ZNF532: variants seen among roughly 807,000 people sequenced by gnomAD.
The protein encoded by ZNF532 is zinc finger protein 532.
Under a neutral mutation model 89.3 loss-of-function variants are expected in ZNF532, and 22 were observed. The ratio of observed to expected loss-of-function variants is 0.25; its 90% confidence interval spans 0.18 to 0.35. The LOEUF (loss-of-function observed/expected upper bound fraction) is 0.35. ZNF532 is among the 10% of genes least tolerant of loss of function. The pLI is 1.00. For synonymous variants in ZNF532, 606 were observed against 649.6 expected (o/e 0.93, Z 1.02); for missense variants, 1,132 against 1,643.4 (o/e 0.69, Z 5.38).
chr18:58,896,205 T>TTTG (rs948057599), intron 2 of ZNF532, among the ~76,000 whole-genome samples: 72 of 152,274 alleles, frequency 4.7e-4, no homozygotes, highest in African/African-American at 1.6e-3. Context: ...GTGTTTGTTT[T>TTTG]TTGTTGTTGT....
At chr18:58,972,473 A>G (rs1240806572) in intron 7 of ZNF532, among the ~76,000 whole-genome samples, 2 of 152,218 alleles carry the variant, frequency 1.3e-5, no homozygotes. Flanking sequence ...TGAAGGCCAC[A>G]GTTATTTGAG....
intron 2 of ZNF532, among the ~76,000 whole-genome samples, chr18:58,887,165 G>T (rs1487044846): frequency 1.3e-5 from 2 of 151,898 alleles, no homozygotes; most frequent in East Asian, 1.9e-4. Flanking sequence ...CCGCAACACA[G>T]TTGCGTAGGG....
intron 6 of ZNF532, among the ~76,000 whole-genome samples, chr18:58,951,819 T>A (rs1438005918): frequency 6.6e-6 from 1 of 151,956 alleles, no homozygotes; most frequent in Non-Finnish European, 1.5e-5. Context: ...ACGGCTAATT[T>A]TTTGTATTTT....
Position 58,919,938 on chromosome 18 carries a change from A to C in ZNF532, c.1651A>C (p.Ile551Leu). ...AGTGCTAACCAAACCTCAGCAACAA[A>C]TAAAGCAGGCAATAATCAATGCAGC... ...RQVLTKPQQQ[I>L]KQAIINAAAS... Residue 551 changes from isoleucine (I) to leucine (L), a missense_variant, in exon 3 of 10, where the codon ATA becomes CTA. Coordinates refer to ENST00000591808, the MANE Select transcript of ZNF532 (RefSeq NM_001375912.1). The surrounding 1 kb of genome is among the most constrained non-coding windows in gnomAD (Gnocchi z 6.1). The C allele has an allele frequency of 6.2e-7, 1 of 1,613,968 alleles. No individual in the cohort carries two copies. Among genetic ancestry groups the C allele is most frequent in the African/African-American group, 1.3e-5 (1 of 75,042 alleles).
chr18:58,940,321 G>A (rs1300026897), intron 5 of ZNF532: 1 of 152,132 alleles, frequency 6.6e-6, no homozygotes, highest in African/African-American at 2.4e-5. Context: ...TAAGATGAAG[G>A]CAACTTAAGA....
chr18:58,905,425 A>G (rs1307877156), intron 2 of ZNF532, among the ~76,000 whole-genome samples: 4 of 147,786 alleles, frequency 2.7e-5, no homozygotes, highest in Non-Finnish European at 5.9e-5. Flanking sequence ...TTTTAAGACA[A>G]GGTCTGGCTC....
intron 5 of ZNF532, among the ~76,000 whole-genome samples, chr18:58,946,237 C>CT (rs2063643185): frequency 6.6e-6 from 1 of 150,784 alleles, no homozygotes; most frequent in Non-Finnish European, 1.5e-5. Flanking sequence ...GCATGAAAAT[C>CT]TTTCCATGCC....
intron 7 of ZNF532, among the ~76,000 whole-genome samples, chr18:58,961,718 C>T (rs2065363975): frequency 6.6e-6 from 1 of 152,148 alleles, no homozygotes; most frequent in Admixed American, 6.6e-5. Flanking sequence ...AAGCAGAATG[C>T]TGAGTCTAGA....
intron 2 of ZNF532, among the ~76,000 whole-genome samples, chr18:58,910,460 A>G (rs532379608): frequency 5.8e-4 from 88 of 152,204 alleles, no homozygotes; most frequent in African/African-American, 2.1e-3. Context: ...ACACACAGTG[A>G]AATTCTCTAG....
At chr18:58,974,954 A>G (rs556952403) in intron 7 of ZNF532, among the ~76,000 whole-genome samples, 1 of 152,154 alleles carries the variant, frequency 6.6e-6, no homozygotes, top group Non-Finnish European at 1.5e-5. Flanking sequence ...CCGTGACTCC[A>G]TTTTTGCTAG....
At chr18:58,958,142 C>T (rs2064989335) in intron 7 of ZNF532, among the ~76,000 whole-genome samples, 1 of 150,848 alleles carries the variant, frequency 6.6e-6, no homozygotes, top group Non-Finnish European at 1.5e-5. Context: ...GTCTCTGATG[C>T]TCTTTTTAAA....
chr18:58,978,098 T>C (rs1476896757), intron 7 of ZNF532, among the ~76,000 whole-genome samples: 1 of 152,212 alleles, frequency 6.6e-6, no homozygotes, highest in Admixed American at 6.5e-5. Flanking sequence ...CATGGAAATA[T>C]ATTCAGTTAA....
chr18:58,878,183 A>G (rs549291916), intron 2 of ZNF532, among the ~76,000 whole-genome samples: 5 of 152,150 alleles, frequency 3.3e-5, no homozygotes, highest in Admixed American at 3.3e-4. Flanking sequence ...TGAACCTGGG[A>G]GGCAGGAGTT....
At chr18:58,934,189 C>A in intron 3 of ZNF532, 1 of 402,566 alleles carries the variant, frequency 2.5e-6, no homozygotes, top group Non-Finnish European at 4.4e-6. Flanking sequence ...TCTGCTGAAA[C>A]AGGTGTTTTT....
At chr18:58,954,297 A>G (rs1280436445) in intron 7 of ZNF532, 1 of 986,560 alleles carries the variant, frequency 1.0e-6, no homozygotes, top group Non-Finnish European at 1.2e-6. Context: ...TCACTGAAAA[A>G]TCTGAGTCAC....
chr18:58,940,950 A>ACACCCC (rs2062941295), intron 5 of ZNF532, among the ~76,000 whole-genome samples: 1 of 141,276 alleles, frequency 7.1e-6, no homozygotes, highest in African/African-American at 2.5e-5. Flanking sequence ...ACACACACAC[A>ACACCCC]CACACACACT....
At chr18:58,901,010 C>T (rs979878515) in intron 2 of ZNF532, among the ~76,000 whole-genome samples, 5 of 152,188 alleles carry the variant, frequency 3.3e-5, no homozygotes, top group African/African-American at 1.2e-4. Context: ...TGAATTCACT[C>T]AGCCTTGTTT....
intron 7 of ZNF532, among the ~76,000 whole-genome samples, chr18:58,969,321 AATGTCCAGTT>A (rs1237705160): frequency 6.6e-6 from 1 of 152,138 alleles, no homozygotes; most frequent in Non-Finnish European, 1.5e-5. Context: ...AGTCCATGTT[AATGTCCAGTT>A]GGAAGGGTGG....
At chr18:58,957,865 A>T (rs537756512) in intron 7 of ZNF532, among the ~76,000 whole-genome samples, 1 of 151,682 alleles carries the variant, frequency 6.6e-6, no homozygotes, top group Admixed American at 6.6e-5. Flanking sequence ...GGAGTTCGAG[A>T]CCCCCCCTGG....
Sources: allele counts gnomAD v4.1 joint callset (sites outside exome capture counted in the v4.1 genomes callset), GRCh38; gene constraint gnomAD v4.1.1; non-coding constraint Gnocchi (gnomAD v3.1); transcripts MANE v1.5; gene names NCBI Gene and HGNC (gene_info 2026-07-23, HGNC 2026-07-21).